TMEM9: variants seen among roughly 807,000 people sequenced by gnomAD.
TMEM9 encodes the protein proton-transporting V-type ATPase complex assembly regulator TMEM9.
TMEM9 carries 13 observed loss-of-function variants against 22.8 expected under a neutral mutation model. That is an observed-to-expected ratio of 0.57 (90% confidence interval 0.37 to 0.91). The LOEUF is 0.91. Ranked by LOEUF, TMEM9 falls within the 40% of genes least tolerant of loss-of-function variation. The probability of loss-of-function intolerance (pLI) is 0.01; values close to 1 mark genes in which losing one functional copy is unlikely to be tolerated. For missense variants in TMEM9, 182 were observed against 238.1 expected (o/e 0.76, Z 1.55); for synonymous variants, 88 against 93.0 (o/e 0.95, Z 0.31).
upstream of TMEM9, among the ~76,000 whole-genome samples, chr1:201,155,194 T>A (rs1159207470): frequency 6.6e-6 from 1 of 152,082 alleles, no homozygotes; most frequent in Non-Finnish European, 1.5e-5. Context: ...GCCCTGGCGC[T>A]CCCCCTAAGC....
intron 1 of TMEM9, among the ~76,000 whole-genome samples, chr1:201,160,637 T>TAAA (rs368648796): frequency 0.011 from 1,603 of 149,808 alleles, 14 homozygotes; most frequent in African/African-American, 0.024. Context: ...TTTTTTTTTT[T>TAAA]AAAATCGAGG....
intron 1 of TMEM9, 44 bp from the exon 2 acceptor site, chr1:201,151,896 G>C: frequency 7.0e-7 from 1 of 1,419,480 alleles, no homozygotes; most frequent in Non-Finnish European, 9.9e-7. Context: ...ACCCTGCCTG[G>C]GGTTCAGGGG....
chr1:201,152,184 G>GTC (rs886439746), intron 1 of TMEM9, among the ~76,000 whole-genome samples: 3 of 147,542 alleles, frequency 2.0e-5, no homozygotes, highest in Non-Finnish European at 3.0e-5. Context: ...GTGTGTGTGT[G>GTC]TGTCCTCTAC....
intron 4 of TMEM9, among the ~76,000 whole-genome samples, chr1:201,137,760 TTC>T (rs1361007653): frequency 1.3e-5 from 2 of 152,238 alleles, no homozygotes; most frequent in Admixed American, 6.5e-5. Flanking sequence ...AATGTTTGGT[TTC>T]TTTCTTCCCT....
At chr1:201,154,487 C>A (rs908788890), upstream of TMEM9, 5 of 155,924 alleles carry the variant, frequency 3.2e-5, no homozygotes, top group Non-Finnish European at 5.7e-5. Flanking sequence ...TTGTCCCCGC[C>A]CTCTCCTAGC....
At chr1:201,157,070 G>T (rs1219562612), upstream of TMEM9, among the ~76,000 whole-genome samples, 1 of 152,134 alleles carries the variant, frequency 6.6e-6, no homozygotes, top group Non-Finnish European at 1.5e-5. Flanking sequence ...TTTAATAGGT[G>T]AAAGAAAGAC....
rs1200794823 is a variant in TMEM9 at position 201,159,593 on chromosome 1, T to A, written c.-36-5634A>T. On this transcript the variant is annotated intron_variant, in intron 1 of 5. Coordinates refer to the TMEM9 transcript ENST00000367333. Reference sequence around the variant, plus strand: ...ATTAAACCTTTTTTTTTTTTTTTTTTAAAGAGATGAGGGTTTTGCTGTGTT... The same window carrying A: ...ATTAAACCTTTTTTTTTTTTTTTTTAAAAGAGATGAGGGTTTTGCTGTGTT... Among the ~76,000 whole-genome samples, 7 of 119,768 alleles carry A rather than the reference T, an allele frequency of 5.8e-5. No individual in the cohort carries two copies. The South Asian group carries it at 1.4e-3, about 24-fold the overall frequency. 78.6% of individuals were successfully genotyped at this position (119,768 alleles called of 152,430 possible).
At chr1:201,156,619 C>G (rs1339142223), upstream of TMEM9, among the ~76,000 whole-genome samples, 1 of 152,228 alleles carries the variant, frequency 6.6e-6, no homozygotes, top group East Asian at 1.9e-4. Flanking sequence ...CAGTCGTTAT[C>G]TTTCATCTTA....
At chr1:201,143,634 T>C (rs993996088) in intron 4 of TMEM9, among the ~76,000 whole-genome samples, 186 bp downstream of exon 4, 1 of 152,218 alleles carries the variant, frequency 6.6e-6, no homozygotes, top group African/African-American at 2.4e-5. Context: ...CCCGGTGTCC[T>C]GCTTCATCTG....
intron 1 of TMEM9, among the ~76,000 whole-genome samples, chr1:201,160,472 C>T (rs1024071695): frequency 5.3e-5 from 8 of 152,014 alleles, no homozygotes; most frequent in Admixed American, 2.0e-4. Flanking sequence ...GCCTGTAATC[C>T]CAGGTACTCA....
At chr1:201,168,456 C>T (rs1459623714) in intron 1 of TMEM9, among the ~76,000 whole-genome samples, 8 of 152,158 alleles carry the variant, frequency 5.3e-5, no homozygotes, top group Admixed American at 1.3e-4. Context: ...TGGTGGCTCA[C>T]GCCTGTAATC....
chr1:201,146,694 A>G (rs3752978), intron 3 of TMEM9, 46 bp downstream of exon 3: 509,096 of 1,568,362 alleles, frequency 0.32, 84,218 homozygotes, highest in African/African-American at 0.42. Context: ...GCGATTGGAG[A>G]ATGGCGTGTG....
At chr1:201,140,635 G>A (rs192443933) in intron 4 of TMEM9, among the ~76,000 whole-genome samples, 246 of 152,170 alleles carry the variant, frequency 1.6e-3, no homozygotes, top group Admixed American at 2.9e-3. Context: ...GAACCAAGGG[G>A]TCCCTAACCC....
intron 1 of TMEM9, among the ~76,000 whole-genome samples, chr1:201,170,630 C>T (rs1666187929): frequency 6.6e-6 from 1 of 152,132 alleles, no homozygotes; most frequent in Non-Finnish European, 1.5e-5. Flanking sequence ...TGCTATGTGT[C>T]AAGCCCTGTG....
intron 2 of TMEM9, 88 bp downstream of exon 2, chr1:201,151,673 T>C (rs769475369): frequency 1.9e-5 from 18 of 951,862 alleles, no homozygotes; most frequent in Middle Eastern, 5.0e-4. Flanking sequence ...TGGGAGAGCA[T>C]GCTTATCCTC....
intron 1 of TMEM9, chr1:201,171,347 T>C (rs1329797330): frequency 6.6e-6 from 1 of 152,226 alleles, no homozygotes; most frequent in Non-Finnish European, 1.5e-5. Context: ...GCCGCGGCGA[T>C]TTACCGCGCC....
chr1:201,166,633 G>T (rs1215635197), intron 1 of TMEM9, among the ~76,000 whole-genome samples: 1 of 152,064 alleles, frequency 6.6e-6, no homozygotes, highest in African/African-American at 2.4e-5. Context: ...AAAGTGCTGG[G>T]ATTATAGGTG....
chr1:201,162,076 A>G (rs1665957318), intron 1 of TMEM9, among the ~76,000 whole-genome samples: 1 of 152,208 alleles, frequency 6.6e-6, no homozygotes, highest in East Asian at 1.9e-4. Context: ...GAACCTTTTA[A>G]TACATATGAG....
At chr1:201,146,446 G>C (rs1258363691) in intron 3 of TMEM9, among the ~76,000 whole-genome samples, 1 of 152,210 alleles carries the variant, frequency 6.6e-6, no homozygotes, top group African/African-American at 2.4e-5. Context: ...TAGAAGAAGG[G>C]AGAGGAACGA....
Sources: gnomAD v4.1 joint callset for allele counts (sites outside exome capture counted in the v4.1 genomes callset) on GRCh38, gnomAD v4.1.1 for gene constraint, MANE v1.5 for transcripts, NCBI Gene and HGNC (gene_info 2026-07-23, HGNC 2026-07-21) for gene names.